RIMS2: variants seen among roughly 807,000 people sequenced by gnomAD.
The protein encoded by RIMS2 is regulating synaptic membrane exocytosis protein 2.
In RIMS2, 59 loss-of-function variants were observed where a neutral mutation model predicts 174.4. The ratio of observed to expected loss-of-function variants is 0.34; its 90% CI spans 0.27 to 0.42. The LOEUF is 0.42. Ranked by LOEUF, RIMS2 falls within the 10% of genes least tolerant of loss-of-function variation. RIMS2 has a pLI of 1.00. For missense variants in RIMS2, 1,620 were observed against 1,666.3 expected (o/e 0.97, Z 0.48); for synonymous variants, 606 against 572.5 (o/e 1.06, Z -0.84).
intron 2 of RIMS2, among the ~76,000 whole-genome samples, chr8:103,717,262 C>A (rs2097382046): frequency 6.9e-6 from 1 of 144,076 alleles, no homozygotes; most frequent in South Asian, 2.2e-4. Context: ...AGAATAAAAT[C>A]TCTTAGTAGA....
At chr8:104,008,455 A>T (rs1460645774) in intron 17 of RIMS2, among the ~76,000 whole-genome samples, 1 of 115,516 alleles carries the variant, frequency 8.7e-6, no homozygotes. Flanking sequence ...TATACTAAAA[A>T]TATCTTCAAA....
intron 19 of RIMS2, among the ~76,000 whole-genome samples, chr8:104,152,828 A>G (rs1218126028): frequency 1.3e-5 from 2 of 152,076 alleles, no homozygotes; most frequent in Non-Finnish European, 2.9e-5. Flanking sequence ...CCTGGTCTCT[A>G]TGTGAAGATC....
rs1184406018 is a variant in RIMS2, at chr8:103,696,949, C to T, written c.177-137C>T. On this transcript the variant is annotated intron_variant, in intron 1 of 23. Transcript: ENST00000504942. Reference sequence around the variant, plus strand: ...GCCATGAAAAGTGTTAATTTATCATCAGAAAATTAAATTTTCATTCTTTTT... The same window carrying T: ...GCCATGAAAAGTGTTAATTTATCATTAGAAAATTAAATTTTCATTCTTTTT... 5.4e-6 allele frequency: 3 copies of T among 554,278 alleles called. No homozygotes were observed. In the African/African-American group the frequency reaches 5.8e-5, roughly 11 times the overall value. 34.3% of individuals were successfully genotyped at this position (554,278 alleles called of 1,614,324 possible). A position where few individuals can be genotyped will look rare whatever the true frequency, so the allele number is the denominator to read the frequency against.
At position 103,756,876 on chromosome 8, in the gene RIMS2, G is replaced by A. The variant is rs138446108; in HGVS notation, c.388-9351G>A. On this transcript the variant is annotated intron_variant, in intron 2 of 23. Transcript: ENST00000504942. Reference sequence around the variant, plus strand: ...TCCCTTACTACTCAATATTTTGGCTGTAGATTTTTGGATTTTCTGTCATAA... The same window carrying A: ...TCCCTTACTACTCAATATTTTGGCTATAGATTTTTGGATTTTCTGTCATAA... 2.6e-3 allele frequency among the ~76,000 whole-genome samples: 391 copies of A among 152,156 alleles called. 1 individual carries two copies. The highest frequency in any genetic ancestry group is 8.8e-3 in the African/African-American group (367 of 41,502).
At chr8:103,503,578 G>A (rs770793402) in intron 1 of RIMS2, among the ~76,000 whole-genome samples, 13 of 151,870 alleles carry the variant, frequency 8.6e-5, no homozygotes, top group Admixed American at 4.6e-4. Flanking sequence ...TATTTTAAGA[G>A]TAGAGAGAAA....
At chr8:104,230,189 G>A (rs1163264378) in intron 19 of RIMS2, among the ~76,000 whole-genome samples, 1 of 150,726 alleles carries the variant, frequency 6.6e-6, no homozygotes, top group Non-Finnish European at 1.5e-5. Context: ...TGAGGCAGGA[G>A]AATCTCTTGA....
chr8:103,760,269 A>G (rs2098094847), intron 2 of RIMS2, among the ~76,000 whole-genome samples: 2 of 152,218 alleles, frequency 1.3e-5, no homozygotes, highest in Non-Finnish European at 2.9e-5. Context: ...AAGTGTGACT[A>G]TTGCTAGAAA....
At chr8:104,134,484 C>T (rs181784525) in intron 19 of RIMS2, among the ~76,000 whole-genome samples, 129 of 152,178 alleles carry the variant, frequency 8.5e-4, no homozygotes, top group African/African-American at 2.9e-3. Context: ...CAAACAAAAT[C>T]GATTGAAAGC....
At chr8:103,830,529 G>T (rs1022050818) in intron 3 of RIMS2, among the ~76,000 whole-genome samples, 7 of 152,158 alleles carry the variant, frequency 4.6e-5, no homozygotes, top group African/African-American at 1.7e-4. Flanking sequence ...ACTGCCCACT[G>T]TGAGGACTAT....
chr8:103,521,888 T>C (rs1156876473), intron 1 of RIMS2, among the ~76,000 whole-genome samples: 1 of 152,020 alleles, frequency 6.6e-6, no homozygotes, highest in Non-Finnish European at 1.5e-5. Flanking sequence ...TACCCACTTA[T>C]GTCCATTTTG....
At chr8:103,726,697 TATTA>T (rs1442944603) in intron 2 of RIMS2, among the ~76,000 whole-genome samples, 4 of 147,992 alleles carry the variant, frequency 2.7e-5, no homozygotes, top group African/African-American at 9.8e-5. Context: ...GGATTATTTA[TATTA>T]ATTATATATA....
intron 19 of RIMS2, among the ~76,000 whole-genome samples, chr8:104,171,887 C>G (rs7845917): frequency 1.3e-5 from 2 of 151,942 alleles, no homozygotes; most frequent in Admixed American, 1.3e-4. Context: ...TAATTTGATT[C>G]TCGGATATTT....
chr8:103,717,394 C>T, intron 2 of RIMS2, among the ~76,000 whole-genome samples: 1 of 151,550 alleles, frequency 6.6e-6, no homozygotes, highest in East Asian at 1.9e-4. Flanking sequence ...AGACATGTCC[C>T]AGACTGTGCG....
intron 1 of RIMS2, among the ~76,000 whole-genome samples, chr8:103,659,053 G>A (rs1403844077): frequency 5.9e-5 from 9 of 152,124 alleles, no homozygotes; most frequent in Admixed American, 3.3e-4. Context: ...AGTCCTTGAG[G>A]ATATTTAATT....
chr8:103,532,221 T>C (rs1837514295), intron 1 of RIMS2, among the ~76,000 whole-genome samples: 2 of 152,164 alleles, frequency 1.3e-5, no homozygotes, highest in Admixed American at 1.3e-4. Flanking sequence ...TATTACACCA[T>C]AGAATTGTGA....
downstream of RIMS2, chr8:104,252,983 C>T (rs977191586): frequency 6.6e-6 from 1 of 152,118 alleles, no homozygotes; most frequent in African/African-American, 2.4e-5. Context: ...TTGCGAATTT[C>T]TCAAGGGAAA....
chr8:103,510,265 G>A (rs1278943997), intron 1 of RIMS2, among the ~76,000 whole-genome samples: 1 of 152,118 alleles, frequency 6.6e-6, no homozygotes, highest in Non-Finnish European at 1.5e-5. Flanking sequence ...GATGGAGGTG[G>A]TGCTCACATT....
chr8:103,659,257 C>T (rs2096567603), intron 1 of RIMS2, among the ~76,000 whole-genome samples: 1 of 152,090 alleles, frequency 6.6e-6, no homozygotes, highest in African/African-American at 2.4e-5. Flanking sequence ...GGCACTACCA[C>T]GGGCTGCGGG....
intron 19 of RIMS2, chr8:104,015,279 T>C (rs1258516992): frequency 1.9e-5 from 9 of 462,862 alleles, no homozygotes; most frequent in Non-Finnish European, 3.0e-5. Context: ...ATAATACATA[T>C]AAGTTTAAAT....
Sources: gnomAD v4.1 joint callset for allele counts (sites outside exome capture counted in the v4.1 genomes callset) on GRCh38, gnomAD v4.1.1 for gene constraint, MANE v1.5 for transcripts, NCBI Gene and HGNC (gene_info 2026-07-23, HGNC 2026-07-21) for gene names.